Variants in SV2C observed in about 807,000 individuals in gnomAD.
SV2C encodes synaptic vesicle glycoprotein 2C, also known as solute carrier family 22 member B3.
In SV2C, 49 loss-of-function variants were observed where a neutral mutation model predicts 79.7. That is an observed-to-expected ratio of 0.61 (90% CI 0.49 to 0.78). SV2C has a LOEUF of 0.78. Among genes scored for constraint, SV2C ranks in the 30% least tolerant of loss-of-function variants. The pLI, the probability that SV2C is intolerant of heterozygous loss-of-function variation, is 0.00. For synonymous variants in SV2C, 334 were observed against 333.2 expected (o/e 1.00, Z -0.03); for missense variants, 833 against 912.9 (o/e 0.91, Z 1.13).
chr5:76,087,758 T>C (rs1580255557), intron 1 of SV2C, among the ~76,000 whole-genome samples: 1 of 152,218 alleles, frequency 6.6e-6, no homozygotes, highest in Admixed American at 6.5e-5. Flanking sequence ...TTCTAAGCTA[T>C]GTTTTCCTCC....
intron 3 of SV2C, among the ~76,000 whole-genome samples, chr5:76,203,579 G>C (rs976912621): frequency 1.3e-5 from 2 of 152,002 alleles, no homozygotes; most frequent in African/African-American, 4.8e-5. Flanking sequence ...GTGGTACTAA[G>C]TCTGCTACTG....
At chr5:76,087,976 T>C (rs1355453779) in intron 1 of SV2C, among the ~76,000 whole-genome samples, 1 of 152,212 alleles carries the variant, frequency 6.6e-6, no homozygotes, top group African/African-American at 2.4e-5. Flanking sequence ...GACAGGTTAG[T>C]TGAGTGCAAT....
At chr5:75,934,557 A>G in the SV2C span, among the ~76,000 whole-genome samples, 3 of 152,032 alleles carry the variant, frequency 2.0e-5, no homozygotes, top group African/African-American at 7.2e-5. Context: ...AAGTGCTGGG[A>G]TTACAGGCTT....
chr5:75,914,669 T>TTTTAATTTAATTTTGGGTAC, the SV2C span, among the ~76,000 whole-genome samples: 4 of 152,202 alleles, frequency 2.6e-5, no homozygotes, highest in African/African-American at 9.7e-5. Flanking sequence ...CTAATGTATA[T>TTTTAATTTAATTTTGGGTAC]CCAAATCTAA....
the SV2C span, among the ~76,000 whole-genome samples, chr5:76,033,632 G>A: frequency 1.3e-5 from 2 of 152,194 alleles, no homozygotes; most frequent in Non-Finnish European, 2.9e-5. Flanking sequence ...CCAGTACCAT[G>A]CTGTTTTAGT....
intron 4 of SV2C, among the ~76,000 whole-genome samples, chr5:76,229,045 C>A (rs1241664814): frequency 6.6e-6 from 1 of 152,240 alleles, no homozygotes; most frequent in African/African-American, 2.4e-5. Flanking sequence ...AATGCCTTTT[C>A]CCCTCCTCCC....
chr5:76,295,536 G>A (rs140063173), intron 8 of SV2C, among the ~76,000 whole-genome samples: 69 of 152,298 alleles, frequency 4.5e-4, no homozygotes, highest in African/African-American at 1.5e-3. Context: ...CCCAAAGGAA[G>A]GGTTTAGGAA....
intron 8 of SV2C, among the ~76,000 whole-genome samples, 168 bp downstream of exon 8, chr5:76,292,024 TTTTA>T (rs1332385769): frequency 4.6e-5 from 7 of 152,332 alleles, no homozygotes; most frequent in South Asian, 2.1e-4. Context: ...AAACCAGTTA[TTTTA>T]TTTGTTTTGT....
At chr5:75,995,945 T>G in the SV2C span, among the ~76,000 whole-genome samples, 2 of 152,102 alleles carry the variant, frequency 1.3e-5, no homozygotes, top group East Asian at 1.9e-4. Flanking sequence ...TTCTCTCCAA[T>G]GTACATGTGG....
chr5:75,948,509 G>A, the SV2C span, among the ~76,000 whole-genome samples: 1 of 151,992 alleles, frequency 6.6e-6, no homozygotes, highest in Admixed American at 6.6e-5. Flanking sequence ...GATGTGTTGG[G>A]TGGTGATAGT....
chr5:75,900,626 G>A, the SV2C span, among the ~76,000 whole-genome samples: 11 of 152,072 alleles, frequency 7.2e-5, no homozygotes, highest in East Asian at 1.9e-4. Context: ...GCTAGATTGG[G>A]GAAGTTCTCC....
the SV2C span, among the ~76,000 whole-genome samples, chr5:76,075,244 G>A: frequency 1.1e-4 from 17 of 152,260 alleles, no homozygotes; most frequent in South Asian, 3.5e-3. Context: ...ACACAAATGG[G>A]ACTTCTTTGC....
At chr5:76,174,642 C>T (rs1743466461) in intron 2 of SV2C, among the ~76,000 whole-genome samples, 1 of 152,226 alleles carries the variant, frequency 6.6e-6, no homozygotes, top group Admixed American at 6.5e-5. Flanking sequence ...CCTGTGGTCT[C>T]TATCACATTT....
At chr5:75,991,588 C>CATATATAT in the SV2C span, among the ~76,000 whole-genome samples, 297 of 137,800 alleles carry the variant, frequency 2.2e-3, 2 homozygotes, top group African/African-American at 8.0e-3. Context: ...TATATATACA[C>CATATATAT]ACATATATAT....
At chr5:76,264,372 T>G (rs1746577080) in intron 4 of SV2C, among the ~76,000 whole-genome samples, 1 of 152,122 alleles carries the variant, frequency 6.6e-6, no homozygotes, top group Admixed American at 6.6e-5. Context: ...CGCATTGGGT[T>G]AGAATGTGCT....
At chr5:75,880,210 GCT>G in the SV2C span, among the ~76,000 whole-genome samples, 1 of 151,472 alleles carries the variant, frequency 6.6e-6, no homozygotes, top group Non-Finnish European at 1.5e-5. Flanking sequence ...CATTTTCTTG[GCT>G]ATTAGCACCT....
the SV2C span, among the ~76,000 whole-genome samples, chr5:76,014,490 G>C: frequency 6.6e-6 from 1 of 152,194 alleles, no homozygotes; most frequent in Non-Finnish European, 1.5e-5. Context: ...AGAAATTTCA[G>C]ATCTCTGTGA....
At chr5:76,338,982 G>C (rs1365197549) in intron 12 of SV2C, among the ~76,000 whole-genome samples, 1 of 143,596 alleles carries the variant, frequency 7.0e-6, no homozygotes, top group Non-Finnish European at 1.5e-5. Context: ...GTACCCTCAG[G>C]CTTGGGCATT....
intron 3 of SV2C, among the ~76,000 whole-genome samples, chr5:76,206,173 T>C (rs1479278573): frequency 6.6e-6 from 1 of 152,210 alleles, no homozygotes; most frequent in African/African-American, 2.4e-5. Context: ...ATTTGGGGGT[T>C]GGGGAGTGGC....
Sources: gnomAD v4.1 joint callset for allele counts (sites outside exome capture counted in the v4.1 genomes callset) on GRCh38, gnomAD v4.1.1 for gene constraint, MANE v1.5 for transcripts, NCBI Gene and HGNC (gene_info 2026-07-23, HGNC 2026-07-21) for gene names.